The following CHL1 variants were observed in gnomAD, a reference collection of about 807,000 sequenced individuals.
CHL1 encodes the protein cell adhesion molecule L1 like.
CHL1 carries 96 observed loss-of-function variants against 141.9 expected under a neutral mutation model. The observed-to-expected ratio is 0.68, with a 90% CI of 0.57 to 0.80. The LOEUF is 0.80. Among genes scored for constraint, CHL1 ranks in the 30% least tolerant of loss-of-function variants. The probability of loss-of-function intolerance (pLI) is 0.00; values close to 1 mark genes in which losing one functional copy is unlikely to be tolerated. For synonymous variants in CHL1, 613 were observed against 502.2 expected (o/e 1.22, Z -2.95); for missense variants, 1,820 against 1,457.2 (o/e 1.25, Z -4.05).
At chr3:227,992 T>A (rs1701513757) in intron 1 of CHL1, among the ~76,000 whole-genome samples, 1 of 152,228 alleles carries the variant, frequency 6.6e-6, no homozygotes, top group African/African-American at 2.4e-5. Flanking sequence ...TCTGTGTCTG[T>A]CTGTCTGACT....
intron 18 of CHL1, among the ~76,000 whole-genome samples, chr3:382,990 T>A (rs1475563443): frequency 6.6e-6 from 1 of 152,212 alleles, no homozygotes; most frequent in African/African-American, 2.4e-5. Context: ...TATGTATGCA[T>A]CTAACATTAT....
At chr3:269,546 A>G (rs1695454322) in intron 2 of CHL1, among the ~76,000 whole-genome samples, 1 of 152,100 alleles carries the variant, frequency 6.6e-6, no homozygotes, top group African/African-American at 2.4e-5. Context: ...TATATATGAG[A>G]TGGAGTTCTG....
intron 2 of CHL1, among the ~76,000 whole-genome samples, chr3:276,067 G>T (rs1696067884): frequency 6.6e-6 from 1 of 151,686 alleles, no homozygotes; most frequent in Non-Finnish European, 1.5e-5. Flanking sequence ...GAACTCTAAA[G>T]TCGAAATTAT....
At chr3:332,771 T>A (rs1701539116) in intron 5 of CHL1, among the ~76,000 whole-genome samples, 1 of 152,194 alleles carries the variant, frequency 6.6e-6, no homozygotes, top group African/African-American at 2.4e-5. Context: ...ATCGTTAAAC[T>A]GTATATTACA....
chr3:274,889 T>A (rs561467051), intron 2 of CHL1, among the ~76,000 whole-genome samples: 42 of 152,270 alleles, frequency 2.8e-4, no homozygotes, highest in Non-Finnish European at 5.1e-4. Flanking sequence ...TATACTACTG[T>A]GATCTTGGTG....
At chr3:390,371 A>G (rs1019771115) in intron 20 of CHL1, among the ~76,000 whole-genome samples, 2 of 152,246 alleles carry the variant, frequency 1.3e-5, no homozygotes, top group African/African-American at 4.8e-5. Flanking sequence ...TTTGATTAAC[A>G]AAATTCCTGA....
Position 214,691 on chromosome 3 carries a change from A to G in CHL1, c.-175+17628A>G, listed in dbSNP as rs561669675. On this transcript the variant is annotated intron_variant, in intron 1 of 27. Coordinates refer to ENST00000256509, the MANE Select transcript of CHL1 (RefSeq NM_006614.4). The stretch of plus-strand genomic sequence containing the variant: ...CCTTACTTCTGATAGCCCTTACATA[A>G]TGTATCCCTCTCTATGAGTGCTGTA... Among the ~76,000 whole-genome samples, 7 of 152,314 alleles carry G rather than the reference A, an allele frequency of 4.6e-5. No homozygotes were observed. In the East Asian group the frequency reaches 5.8e-4, roughly 13 times the overall value.
intron 2 of CHL1, among the ~76,000 whole-genome samples, chr3:274,625 C>A (rs191458587): frequency 1.3e-5 from 2 of 152,258 alleles, no homozygotes; most frequent in Non-Finnish European, 2.9e-5. Flanking sequence ...GACACGTTAC[C>A]AATAGCTTCT....
chr3:271,763 G>C (rs1325395957), intron 2 of CHL1, among the ~76,000 whole-genome samples: 1 of 152,186 alleles, frequency 6.6e-6, no homozygotes, highest in Non-Finnish European at 1.5e-5. Flanking sequence ...GAGAGAGGAA[G>C]GGGAAATCAA....
intron 2 of CHL1, chr3:309,094 A>C (rs1341397537): frequency 1.3e-5 from 2 of 151,728 alleles, no homozygotes; most frequent in African/African-American, 4.9e-5. Flanking sequence ...AAGATCAGCG[A>C]CCCTCGTTTT....
intron 5 of CHL1, among the ~76,000 whole-genome samples, chr3:337,194 T>G (rs201649645): frequency 1.5e-4 from 21 of 143,252 alleles, no homozygotes; most frequent in Admixed American, 8.8e-4. Context: ...TGTTTTTGTT[T>G]TTTTTTTTTT....
intron 1 of CHL1, among the ~76,000 whole-genome samples, chr3:199,050 G>A (rs1054512764): frequency 6.6e-6 from 1 of 152,136 alleles, no homozygotes; most frequent in Non-Finnish European, 1.5e-5. Flanking sequence ...GTTGCAGTTG[G>A]GTTTGTCTTA....
chr3:237,877 A>G (rs1692145500), intron 1 of CHL1, among the ~76,000 whole-genome samples: 1 of 152,224 alleles, frequency 6.6e-6, no homozygotes, highest in African/African-American at 2.4e-5. Context: ...TCGTGATCAG[A>G]AATAGGGGCT....
Position 236,430 on chromosome 3 carries a change from A to G in CHL1, c.-174-8183A>G, listed in dbSNP as rs539664524. The stretch of plus-strand genomic sequence containing the variant: ...TCTATAGGGAAGGGAAGTGTTCTTG[A>G]GAATGTGTCTTGGTTCTCCATGATG... On this transcript the variant is annotated intron_variant, in intron 1 of 27. Coordinates refer to ENST00000256509, the MANE Select transcript of CHL1 (RefSeq NM_006614.4). 2.0e-4 allele frequency among the ~76,000 whole-genome samples: 30 copies of G among 152,272 alleles called. No homozygotes were observed. In the South Asian group the frequency reaches 6.2e-3, roughly 32 times the overall value.
At chr3:264,047 G>T (rs1694963180) in intron 2 of CHL1, among the ~76,000 whole-genome samples, 1 of 152,140 alleles carries the variant, frequency 6.6e-6, no homozygotes, top group Admixed American at 6.5e-5. Flanking sequence ...GGAGTTTTTT[G>T]TTTGACATTT....
chr3:373,116 C>G (rs923920476), intron 15 of CHL1, among the ~76,000 whole-genome samples: 2 of 152,190 alleles, frequency 1.3e-5, no homozygotes, highest in Admixed American at 1.3e-4. Context: ...TCTAATAAAG[C>G]ACTTTGTCCC....
chr3:308,492 C>T (rs1699442279), intron 2 of CHL1, among the ~76,000 whole-genome samples: 1 of 151,492 alleles, frequency 6.6e-6, no homozygotes, highest in Non-Finnish European at 1.5e-5. Context: ...TTAAAACCAT[C>T]CAAAACATTG....
chr3:275,950 C>A (rs1305619027), intron 2 of CHL1, among the ~76,000 whole-genome samples: 1 of 151,868 alleles, frequency 6.6e-6, no homozygotes, highest in African/African-American at 2.4e-5. Context: ...CTTATTTAAT[C>A]CTTAAAACCC....
At chr3:331,142 CG>C (rs1377910886) in intron 5 of CHL1, among the ~76,000 whole-genome samples, 3 of 152,090 alleles carry the variant, frequency 2.0e-5, no homozygotes, top group African/African-American at 4.8e-5. Context: ...TTGAACAATA[CG>C]TTTATCACCA....
Sources: allele counts gnomAD v4.1 joint callset (sites outside exome capture counted in the v4.1 genomes callset), GRCh38; gene constraint gnomAD v4.1.1; transcripts MANE v1.5; gene names NCBI Gene and HGNC (gene_info 2026-07-23, HGNC 2026-07-21).